Variants in CLSTN2 observed in about 807,000 individuals in gnomAD.
The protein encoded by CLSTN2 is calsyntenin-2.
A neutral mutation model predicts 101.2 loss-of-function variants in CLSTN2; 48 were observed. That is an observed-to-expected ratio of 0.47 (90% CI 0.38 to 0.60). The LOEUF (loss-of-function observed/expected upper bound fraction) is 0.60. Ranked by LOEUF, CLSTN2 falls within the 20% of genes least tolerant of loss-of-function variation. CLSTN2 has a pLI of 0.00. For synonymous variants in CLSTN2, 481 were observed against 463.6 expected (o/e 1.04, Z -0.48); for missense variants, 1,160 against 1,238.2 (o/e 0.94, Z 0.95).
At chr3:140,069,103 C>A (rs1334175347) in intron 1 of CLSTN2, among the ~76,000 whole-genome samples, 1 of 152,198 alleles carries the variant, frequency 6.6e-6, no homozygotes, top group Non-Finnish European at 1.5e-5. Context: ...GAGTCTTCCT[C>A]TTCCAAGAGG....
intron 2 of CLSTN2, among the ~76,000 whole-genome samples, chr3:140,189,121 T>C (rs1262346245): frequency 6.6e-6 from 1 of 152,238 alleles, no homozygotes; most frequent in Non-Finnish European, 1.5e-5. Context: ...CTTTTTATTG[T>C]TGAGTGGTAG....
chr3:140,563,378 G>A (rs1935957644), intron 15 of CLSTN2, among the ~76,000 whole-genome samples, 175 bp downstream of exon 15: 1 of 152,192 alleles, frequency 6.6e-6, no homozygotes, highest in Admixed American at 6.5e-5. Context: ...TCAATAGGCA[G>A]TCGATAAGTA....
intron 1 of CLSTN2, among the ~76,000 whole-genome samples, chr3:139,937,597 A>G (rs553523956): frequency 1.4e-5 from 2 of 146,358 alleles, no homozygotes; most frequent in African/African-American, 5.2e-5. Context: ...AAAAAAAATT[A>G]GATGGGTGTG....
intron 8 of CLSTN2, among the ~76,000 whole-genome samples, chr3:140,522,117 G>C (rs967411894): frequency 6.6e-6 from 1 of 152,184 alleles, no homozygotes; most frequent in Non-Finnish European, 1.5e-5. Flanking sequence ...TGGTTTCCTG[G>C]GTGGGATCAC....
At chr3:140,195,551 A>G (rs1348869219) in intron 2 of CLSTN2, among the ~76,000 whole-genome samples, 1 of 152,038 alleles carries the variant, frequency 6.6e-6, no homozygotes, top group African/African-American at 2.4e-5. Flanking sequence ...ATGAGAAAAA[A>G]ATAGTTTTTA....
chr3:140,314,177 A>G (rs559176298), intron 2 of CLSTN2, among the ~76,000 whole-genome samples: 2 of 152,342 alleles, frequency 1.3e-5, no homozygotes, highest in African/African-American at 4.8e-5. Context: ...GAGAAACTAA[A>G]TAACTATCCT....
intron 2 of CLSTN2, among the ~76,000 whole-genome samples, chr3:140,384,042 C>A (rs1353315055): frequency 6.6e-6 from 1 of 152,210 alleles, no homozygotes; most frequent in African/African-American, 2.4e-5. Flanking sequence ...ACAGCTCTTT[C>A]AAGTTATTTA....
At chr3:140,169,584 T>C (rs144027030) in intron 1 of CLSTN2, among the ~76,000 whole-genome samples, 3 of 152,326 alleles carry the variant, frequency 2.0e-5, no homozygotes, top group East Asian at 3.9e-4. Context: ...CCATTAAGTA[T>C]GATATTAGCT....
intron 1 of CLSTN2, among the ~76,000 whole-genome samples, chr3:140,046,496 G>A (rs1351026379): frequency 6.6e-6 from 1 of 152,144 alleles, no homozygotes; most frequent in East Asian, 1.9e-4. Context: ...TTTAATTGGA[G>A]CATTTAGCCC....
At chr3:140,044,150 C>A (rs1202178292) in intron 1 of CLSTN2, among the ~76,000 whole-genome samples, 1 of 152,162 alleles carries the variant, frequency 6.6e-6, no homozygotes, top group Non-Finnish European at 1.5e-5. Context: ...ATTGATTCTT[C>A]CTATCCATGA....
intron 2 of CLSTN2, among the ~76,000 whole-genome samples, chr3:140,301,347 A>G (rs115604180): frequency 9.2e-4 from 140 of 152,310 alleles, no homozygotes; most frequent in African/African-American, 3.2e-3. Flanking sequence ...TGGTAACATA[A>G]ATTACATCTT....
chr3:140,259,959 G>A (rs1339476150), intron 2 of CLSTN2, among the ~76,000 whole-genome samples: 1 of 151,754 alleles, frequency 6.6e-6, no homozygotes, highest in Non-Finnish European at 1.5e-5. Context: ...TAGACACCAG[G>A]AGCCTACTTG....
At chr3:140,334,355 A>G (rs2087420522) in intron 2 of CLSTN2, among the ~76,000 whole-genome samples, 1 of 152,212 alleles carries the variant, frequency 6.6e-6, no homozygotes, top group East Asian at 1.9e-4. Flanking sequence ...TAAATGGAGG[A>G]CTTGTGGCAG....
At chr3:140,228,695 G>A (rs563241171) in intron 2 of CLSTN2, among the ~76,000 whole-genome samples, 3 of 152,292 alleles carry the variant, frequency 2.0e-5, no homozygotes, top group East Asian at 1.9e-4. Context: ...ACGTGGCTGG[G>A]GGCCTCACAA....
At chr3:140,366,256 T>C (rs1006004836) in intron 2 of CLSTN2, among the ~76,000 whole-genome samples, 2 of 152,136 alleles carry the variant, frequency 1.3e-5, no homozygotes, top group African/African-American at 4.8e-5. Flanking sequence ...AACCTTGCTG[T>C]GTAAATGGAG....
intron 2 of CLSTN2, among the ~76,000 whole-genome samples, chr3:140,336,947 T>C (rs1211768338): frequency 6.6e-6 from 1 of 152,046 alleles, no homozygotes; most frequent in Non-Finnish European, 1.5e-5. Context: ...ACACCACCAA[T>C]AATTCAAGAA....
intron 2 of CLSTN2, among the ~76,000 whole-genome samples, chr3:140,186,960 G>A (rs1326661434): frequency 6.6e-6 from 1 of 152,038 alleles, no homozygotes; most frequent in African/African-American, 2.4e-5. Flanking sequence ...AGGGCACAGA[G>A]GCACATGAGC....
intron 1 of CLSTN2, among the ~76,000 whole-genome samples, chr3:140,047,330 A>G (rs904646763): frequency 1.3e-5 from 2 of 152,206 alleles, no homozygotes; most frequent in Non-Finnish European, 2.9e-5. Flanking sequence ...AGTTTCCCAC[A>G]AATGATATAC....
intron 2 of CLSTN2, among the ~76,000 whole-genome samples, chr3:140,240,134 T>TTCTCTC (rs1370229338): frequency 0.013 from 271 of 20,424 alleles, 94 homozygotes; most frequent in Middle Eastern, 0.077. Flanking sequence ...TGCACCTGGT[T>TTCTCTC]TCTCTCTCTC....
Sources: gnomAD v4.1 joint callset for allele counts (sites outside exome capture counted in the v4.1 genomes callset) on GRCh38, gnomAD v4.1.1 for gene constraint, MANE v1.5 for transcripts, NCBI Gene and HGNC (gene_info 2026-07-23, HGNC 2026-07-21) for gene names.